Variants in KCNJ6 observed in about 807,000 individuals in gnomAD.
KCNJ6 encodes potassium inwardly rectifying channel subfamily J member 6.
A neutral mutation model predicts 34.2 loss-of-function variants in KCNJ6; 9 were observed. The observed-to-expected ratio is 0.26, with a 90% CI of 0.16 to 0.46. The LOEUF is 0.46. KCNJ6 is among the 20% of genes least tolerant of loss of function. The pLI, the probability that KCNJ6 is intolerant of heterozygous loss-of-function variation, is 1.00. For synonymous variants in KCNJ6, 196 were observed against 207.1 expected, an observed-to-expected ratio of 0.95 and a Z score of 0.46; for missense variants, 236 against 531.3, an observed-to-expected ratio of 0.44 and a Z score of 5.46.
chr21:37,879,127 T>C (rs1200516186), intron 1 of KCNJ6, among the ~76,000 whole-genome samples: 4 of 152,230 alleles, frequency 2.6e-5, no homozygotes, highest in Admixed American at 2.0e-4. Context: ...AGGTGCCAAG[T>C]ACAGTAGTGA....
intron 2 of KCNJ6, among the ~76,000 whole-genome samples, chr21:37,782,597 CT>C (rs1172628242): frequency 6.6e-6 from 1 of 152,180 alleles, no homozygotes; most frequent in African/African-American, 2.4e-5. Context: ...GACCCTAATT[CT>C]GGTTCTCCAG....
At chr21:37,803,407 G>A (rs917780932) in intron 2 of KCNJ6, among the ~76,000 whole-genome samples, 1 of 152,200 alleles carries the variant, frequency 6.6e-6, no homozygotes, top group East Asian at 1.9e-4. Flanking sequence ...ACGGAAATAA[G>A]TCTGTGGTGA....
At chr21:37,795,232 C>T (rs905953757) in intron 2 of KCNJ6, among the ~76,000 whole-genome samples, 6 of 152,236 alleles carry the variant, frequency 3.9e-5, no homozygotes, top group Non-Finnish European at 7.4e-5. Flanking sequence ...AAATTGTTGG[C>T]GCAGATGGAG....
intron 1 of KCNJ6, among the ~76,000 whole-genome samples, chr21:37,869,524 G>T (rs1463971695): frequency 6.6e-6 from 1 of 152,194 alleles, no homozygotes; most frequent in African/African-American, 2.4e-5. Context: ...GCTTTTACAT[G>T]TTTGTGTAAT....
chr21:37,770,898 T>A (rs2055114773), intron 2 of KCNJ6, among the ~76,000 whole-genome samples: 1 of 152,212 alleles, frequency 6.6e-6, no homozygotes, highest in Admixed American at 6.5e-5. Context: ...TTAGTATATC[T>A]ATTAATAAGA....
chr21:37,655,269 GA>G (rs2054458247), intron 3 of KCNJ6, among the ~76,000 whole-genome samples: 1 of 106,910 alleles, frequency 9.4e-6, no homozygotes, highest in African/African-American at 5.8e-5. Flanking sequence ...GAGAGAGAGA[GA>G]GAGAGAGAGA....
At chr21:37,691,017 G>A (rs1034644874) in intron 3 of KCNJ6, among the ~76,000 whole-genome samples, 9 of 152,064 alleles carry the variant, frequency 5.9e-5, no homozygotes, top group African/African-American at 7.2e-5. Context: ...TCCCAACCTC[G>A]TGATCCACCT....
intron 1 of KCNJ6, among the ~76,000 whole-genome samples, chr21:37,865,065 C>T (rs1212699151): frequency 6.6e-6 from 1 of 152,122 alleles, no homozygotes; most frequent in African/African-American, 2.4e-5. Context: ...CTTATCTTCA[C>T]TATTTAGAGC....
intron 1 of KCNJ6, among the ~76,000 whole-genome samples, chr21:37,852,628 A>G (rs1030786530): frequency 3.7e-4 from 57 of 152,250 alleles, no homozygotes; most frequent in African/African-American, 1.3e-3. Flanking sequence ...CCAGAATCTT[A>G]TAGTAACACC....
At chr21:37,860,087 G>C (rs2055587165) in intron 1 of KCNJ6, among the ~76,000 whole-genome samples, 1 of 152,076 alleles carries the variant, frequency 6.6e-6, no homozygotes, top group Non-Finnish European at 1.5e-5. Context: ...AGGTCACCCG[G>C]TGCAATGGCT....
intron 1 of KCNJ6, among the ~76,000 whole-genome samples, chr21:37,844,582 G>A (rs1320759633): frequency 6.6e-6 from 1 of 152,014 alleles, no homozygotes; most frequent in Non-Finnish European, 1.5e-5. Flanking sequence ...CCCCTGGACC[G>A]ATGGTTCTTT....
intron 1 of KCNJ6, among the ~76,000 whole-genome samples, chr21:37,906,530 T>C (rs528950563): frequency 2.3e-4 from 35 of 152,354 alleles, no homozygotes; most frequent in African/African-American, 8.4e-4. Context: ...TCAGGGTTCC[T>C]GATCCAGTAG....
chr21:37,821,067 A>G (rs1355151509), intron 2 of KCNJ6, among the ~76,000 whole-genome samples: 1 of 152,238 alleles, frequency 6.6e-6, no homozygotes, highest in Non-Finnish European at 1.5e-5. Flanking sequence ...CTTATCTCCC[A>G]TTAATGATGC....
At chr21:37,704,533 C>T (rs780229880) in intron 3 of KCNJ6, among the ~76,000 whole-genome samples, 13 of 152,120 alleles carry the variant, frequency 8.5e-5, no homozygotes, top group Admixed American at 3.9e-4. Flanking sequence ...ATTATCCGTC[C>T]GCTTTCACAG....
intron 2 of KCNJ6, among the ~76,000 whole-genome samples, chr21:37,803,915 T>G (rs1259508243): frequency 6.6e-6 from 1 of 152,120 alleles, no homozygotes; most frequent in Non-Finnish European, 1.5e-5. Flanking sequence ...GGCGTCCTTT[T>G]GGGGAAAGCT....
intron 2 of KCNJ6, among the ~76,000 whole-genome samples, chr21:37,834,876 A>C (rs1303276622): frequency 6.6e-6 from 1 of 152,114 alleles, no homozygotes; most frequent in Non-Finnish European, 1.5e-5. Flanking sequence ...TTCTGGCTGG[A>C]TGAAGATTCA....
At position 37,746,775 on chromosome 21, in the gene KCNJ6, C is replaced by T. The variant is rs1489440807; in HGVS notation, c.26-31644G>A. ...ATAAATGAATAGGTAATTTCAGATC[C>T]TTTAAGACTGACCATTTGGAATGGG... On this transcript the variant is annotated intron_variant, in intron 2 of 3. Transcript: ENST00000609713. Among the ~76,000 whole-genome samples, 18 of 152,206 alleles carry T rather than the reference C, an allele frequency of 1.2e-4. 1 individual carries two copies.
At chr21:37,822,246 G>A (rs2055376331) in intron 2 of KCNJ6, among the ~76,000 whole-genome samples, 1 of 152,202 alleles carries the variant, frequency 6.6e-6, no homozygotes, top group African/African-American at 2.4e-5. Context: ...ATTTCACAAT[G>A]AAGAGTGGGT....
Position 37,710,343 on chromosome 21 carries a change from G to A in KCNJ6, c.946+3868C>T, listed in dbSNP as rs112023754. ...ACATACCGAAATATTTGCAGATGAG[G>A]ATGATGTGATTCTGGTGGGCAGCCA... On this transcript the variant is annotated intron_variant, in intron 3 of 3. Coordinates refer to ENST00000609713, the MANE Select transcript of KCNJ6 (RefSeq NM_002240.5). Among the ~76,000 whole-genome samples the A allele has an allele frequency of 3.4e-3, 521 of 152,300 alleles. 3 individuals carry two copies. Among genetic ancestry groups the A allele is most frequent in the African/African-American group, 9.4e-3 (391 of 41,574 alleles).
Sources: allele counts gnomAD v4.1 joint callset (sites outside exome capture counted in the v4.1 genomes callset), GRCh38; gene constraint gnomAD v4.1.1; transcripts MANE v1.5; gene names NCBI Gene and HGNC (gene_info 2026-07-23, HGNC 2026-07-21).